ZBTB20: variants seen among roughly 807,000 people sequenced by gnomAD.
ZBTB20 encodes zinc finger and BTB domain-containing protein 20.
In ZBTB20, 9 loss-of-function variants were observed where a neutral mutation model predicts 56.9. The observed-to-expected ratio is 0.16, with a 90% CI of 0.10 to 0.28. The LOEUF (loss-of-function observed/expected upper bound fraction) is 0.28, where lower values mean the gene tolerates loss of function less well. Among genes scored for constraint, ZBTB20 ranks in the 10% least tolerant of loss-of-function variants. ZBTB20 has a pLI of 1.00. For missense variants in ZBTB20, 655 were observed against 1,003.0 expected (o/e 0.65, Z 4.69); for synonymous variants, 417 against 420.7 (o/e 0.99, Z 0.11).
At chr3:114,829,773 A>G (rs2073746291) in intron 4 of ZBTB20, among the ~76,000 whole-genome samples, 1 of 151,894 alleles carries the variant, frequency 6.6e-6, no homozygotes, top group African/African-American at 2.4e-5. Context: ...AGCATATGGC[A>G]GGTCTTACTC....
At chr3:115,107,567 T>C (rs1193082578) in intron 1 of ZBTB20, among the ~76,000 whole-genome samples, 2 of 152,222 alleles carry the variant, frequency 1.3e-5, no homozygotes, top group African/African-American at 2.4e-5. Flanking sequence ...TGTTCAACCA[T>C]TGTGGAAGAC....
chr3:114,563,195 C>T (rs1359795598), intron 6 of ZBTB20, among the ~76,000 whole-genome samples: 1 of 152,176 alleles, frequency 6.6e-6, no homozygotes, highest in Non-Finnish European at 1.5e-5. Flanking sequence ...ATTTCTACCA[C>T]TGTCTTTGTC....
chr3:114,814,662 A>T (rs1404685511), intron 4 of ZBTB20, among the ~76,000 whole-genome samples: 1 of 152,234 alleles, frequency 6.6e-6, no homozygotes, highest in Non-Finnish European at 1.5e-5. Flanking sequence ...TCACCTGAAG[A>T]TGATTCTTGC....
intron 5 of ZBTB20, among the ~76,000 whole-genome samples, chr3:114,773,167 C>T (rs2069341618): frequency 6.6e-6 from 1 of 151,998 alleles, no homozygotes; most frequent in South Asian, 2.1e-4. Flanking sequence ...TTCAGAGTTT[C>T]CTCCAGTTAA....
At chr3:115,085,997 G>C (rs866713256) in intron 1 of ZBTB20, among the ~76,000 whole-genome samples, 1 of 151,810 alleles carries the variant, frequency 6.6e-6, no homozygotes, top group East Asian at 1.9e-4. Flanking sequence ...AAAAACGGGC[G>C]TTGTATTTCT....
intron 6 of ZBTB20, among the ~76,000 whole-genome samples, chr3:114,501,125 C>T (rs1465905163): frequency 6.6e-6 from 1 of 152,172 alleles, no homozygotes; most frequent in South Asian, 2.1e-4. Context: ...AAAACTGCCT[C>T]TACCCCTTCT....
chr3:114,975,011 G>A (rs2078039553), intron 2 of ZBTB20, among the ~76,000 whole-genome samples: 1 of 152,118 alleles, frequency 6.6e-6, no homozygotes, highest in Non-Finnish European at 1.5e-5. Flanking sequence ...ATTAAAACAT[G>A]GCTTAATATT....
At chr3:114,353,825 A>G (rs1462277641) in intron 10 of ZBTB20, among the ~76,000 whole-genome samples, 1 of 152,234 alleles carries the variant, frequency 6.6e-6, no homozygotes, top group Non-Finnish European at 1.5e-5. Flanking sequence ...AGATGATATT[A>G]TTCCCATTTT....
chr3:114,937,787 T>C (rs2076591515), intron 3 of ZBTB20, among the ~76,000 whole-genome samples: 1 of 152,066 alleles, frequency 6.6e-6, no homozygotes, highest in Non-Finnish European at 1.5e-5. Context: ...GGTTGTTTGT[T>C]TTCTTCTTGT....
chr3:115,080,341 C>G (rs2108538296), intron 1 of ZBTB20, among the ~76,000 whole-genome samples: 1 of 152,292 alleles, frequency 6.6e-6, no homozygotes, highest in East Asian at 1.9e-4. Flanking sequence ...TGTCCATGGT[C>G]TTACAAAGAT....
At chr3:114,914,087 T>G (rs2075648622) in intron 3 of ZBTB20, among the ~76,000 whole-genome samples, 1 of 151,978 alleles carries the variant, frequency 6.6e-6, no homozygotes, top group Admixed American at 6.6e-5. Flanking sequence ...ATAAATTTTA[T>G]AATTGTGTTT....
intron 6 of ZBTB20, among the ~76,000 whole-genome samples, chr3:114,567,259 C>T (rs1484749057): frequency 6.6e-6 from 1 of 152,120 alleles, no homozygotes; most frequent in Non-Finnish European, 1.5e-5. Context: ...TAATGATGGA[C>T]ATTTCTAGCA....
At chr3:114,409,481 A>G (rs1372888001) in intron 7 of ZBTB20, among the ~76,000 whole-genome samples, 2 of 152,030 alleles carry the variant, frequency 1.3e-5, no homozygotes, top group Admixed American at 6.6e-5. Flanking sequence ...AAGGCACTAC[A>G]GCAGGAACAA....
chr3:114,386,653 C>T (rs2085162108), intron 8 of ZBTB20, among the ~76,000 whole-genome samples: 1 of 152,128 alleles, frequency 6.6e-6, no homozygotes, highest in Admixed American at 6.5e-5. Flanking sequence ...CTGATGTCTC[C>T]TTTTGGCCAA....
intron 6 of ZBTB20, among the ~76,000 whole-genome samples, chr3:114,668,840 G>C (rs1035164746): frequency 2.0e-5 from 3 of 152,074 alleles, no homozygotes; most frequent in African/African-American, 7.2e-5. Context: ...ATTAAAGGAA[G>C]CTCTGAGGTC....
chr3:114,803,436 G>A (rs1249491739), intron 4 of ZBTB20, among the ~76,000 whole-genome samples: 1 of 151,764 alleles, frequency 6.6e-6, no homozygotes, highest in Non-Finnish European at 1.5e-5. Flanking sequence ...ACCATTTTGT[G>A]GCACTCAGGC....
chr3:115,033,348 G>T (rs929965489), intron 2 of ZBTB20, among the ~76,000 whole-genome samples: 2 of 151,536 alleles, frequency 1.3e-5, no homozygotes, highest in Non-Finnish European at 3.0e-5. Context: ...TATATAACTT[G>T]TAAGGAGATT....
chr3:114,393,100 C>T (rs559780275), intron 7 of ZBTB20, among the ~76,000 whole-genome samples: 35 of 152,330 alleles, frequency 2.3e-4, no homozygotes, highest in Non-Finnish European at 4.6e-4. Flanking sequence ...TGGAGCCATG[C>T]TACGCATTGA....
intron 6 of ZBTB20, among the ~76,000 whole-genome samples, chr3:114,589,156 C>A (rs754699882): frequency 3.3e-5 from 5 of 152,150 alleles, no homozygotes; most frequent in Non-Finnish European, 5.9e-5. Flanking sequence ...GAGGACACAG[C>A]CAAACCATAT....
Sources: allele counts gnomAD v4.1 joint callset (sites outside exome capture counted in the v4.1 genomes callset), GRCh38; gene constraint gnomAD v4.1.1; transcripts MANE v1.5; gene names NCBI Gene and HGNC (gene_info 2026-07-23, HGNC 2026-07-21).